PKP1: variants seen among roughly 807,000 people sequenced by gnomAD.
The protein encoded by PKP1 is plakophilin-1.
A neutral mutation model predicts 76.4 loss-of-function variants in PKP1; 27 were observed. That is an observed-to-expected ratio of 0.35 (90% CI 0.26 to 0.49). PKP1 has a LOEUF of 0.49. PKP1 is among the 20% of genes least tolerant of loss of function. The probability of loss-of-function intolerance (pLI) is 0.99; values close to 1 mark genes in which losing one functional copy is unlikely to be tolerated. For missense variants in PKP1, 964 were observed against 955.2 expected (o/e 1.01, Z -0.12); for synonymous variants, 404 against 384.2 (o/e 1.05, Z -0.60).
In PKP1 at chr1:201,323,005, A is replaced by G; in HGVS notation, c.1504-8A>G. The G allele has an allele frequency of 2.5e-6, 4 of 1,613,764 alleles. No homozygotes were observed. The highest frequency in any genetic ancestry group is 3.4e-6 in the Non-Finnish European group (4 of 1,179,836). ...CATTGACCCCCCTGACCGGCTCTTT[A>G]TCCTCAGAACAACAACTATGACTGC... On this transcript the variant is annotated splice_region_variant and splice_polypyrimidine_tract_variant and intron_variant, in intron 8 of 13. Coordinates refer to ENST00000367324, the MANE Select transcript of PKP1 (RefSeq NM_001005337.3).
At chr1:201,284,248 C>G (rs557070562) in intron 1 of PKP1, among the ~76,000 whole-genome samples, 68 of 152,250 alleles carry the variant, frequency 4.5e-4, no homozygotes, top group African/African-American at 1.6e-3. Flanking sequence ...TGGGTCTGGA[C>G]GGCTTTCTCT....
At chr1:201,289,517 C>G (rs554640008) in intron 1 of PKP1, among the ~76,000 whole-genome samples, 2 of 152,230 alleles carry the variant, frequency 1.3e-5, no homozygotes, top group Non-Finnish European at 2.9e-5. Context: ...AAGCGGATTT[C>G]CCTATGACCT....
chr1:201,321,672 C>T (rs1656945270), intron 7 of PKP1, among the ~76,000 whole-genome samples: 1 of 152,204 alleles, frequency 6.6e-6, no homozygotes, highest in Non-Finnish European at 1.5e-5. Context: ...TAAGTGCTTT[C>T]TCTGTATCAT....
chr1:201,321,778 C>T (rs769871561), intron 7 of PKP1, among the ~76,000 whole-genome samples, 200 bp from the exon 8 acceptor site: 1 of 152,104 alleles, frequency 6.6e-6, no homozygotes, highest in South Asian at 2.1e-4. Flanking sequence ...GTTCATGCAG[C>T]CAGGAAATGA....
At position 201,322,004 on chromosome 1, in the gene PKP1, G is replaced by A. The variant is rs368961324; in HGVS notation, c.1374G>A (p.Leu458=). ...CTGTGGAAAACTGCATGTGTGTTCT[G>A]CACAACCTCTCCTACCGCCTGGACG... ...DKSVENCMCV[L]HNLSYRLDAE... The change falls in exon 8 of 14, where the codon CTG becomes CTA. Residue 458 remains leucine, a synonymous_variant. Transcript: ENST00000367324. The A allele has an allele frequency of 3.1e-6, 5 of 1,613,944 alleles. No individual in the cohort carries two copies. The highest frequency in any genetic ancestry group is 1.1e-5 in the South Asian group (1 of 91,080).
At chr1:201,323,251 T>A (rs905436772) in intron 9 of PKP1, 62 bp downstream of exon 9, 6 of 1,503,994 alleles carry the variant, frequency 4.0e-6, no homozygotes, top group Non-Finnish European at 5.5e-6. Flanking sequence ...GTCCAGCCTC[T>A]GCTCCCTCCT....
chr1:201,324,453 T>C lies in PKP1; in HGVS notation c.1706T>C (p.Ile569Thr), dbSNP rs202232462. Residue 569 changes from isoleucine to threonine, a missense_variant, in exon 10 of 14, where the codon ATT (isoleucine) becomes ACT (threonine). Transcript: ENST00000367324. ...GLMSSGMSQL[I>T]GLKEKGLPQI... ...ATGTCCAGTGGCATGAGCCAGTTGA[T>C]TGGGCTGAAGGAAAAGGGCCTGCCA... 3.7e-6 allele frequency: 6 copies of C among 1,614,194 alleles called. No individual in the cohort carries two copies. In the East Asian group the frequency reaches 8.9e-5, roughly 24 times the overall value.
chr1:201,321,774 G>A (rs1656947920), intron 7 of PKP1, among the ~76,000 whole-genome samples: 2 of 152,210 alleles, frequency 1.3e-5, no homozygotes, highest in African/African-American at 4.8e-5. Context: ...TCAAGTTCAT[G>A]CAGCCAGGAA....
intron 2 of PKP1, among the ~76,000 whole-genome samples, chr1:201,306,534 C>A (rs565438495): frequency 3.3e-5 from 5 of 152,244 alleles, no homozygotes; most frequent in Non-Finnish European, 7.3e-5. Context: ...AAGTTGTCCT[C>A]AGTTATCCAT....
intron 2 of PKP1, among the ~76,000 whole-genome samples, chr1:201,309,050 G>T (rs80267509): frequency 0.032 from 4,901 of 152,154 alleles, 290 homozygotes; most frequent in African/African-American, 0.11. Flanking sequence ...ATTTGGGCAA[G>T]CTGGAGCTTT....
intron 2 of PKP1, among the ~76,000 whole-genome samples, chr1:201,302,685 C>T (rs375817243): frequency 2.0e-5 from 3 of 152,088 alleles, no homozygotes; most frequent in Non-Finnish European, 4.4e-5. Context: ...AGCTCAGGCA[C>T]GGGGAGGGGA....
At chr1:201,329,541 C>G (rs1361904) in intron 13 of PKP1, among the ~76,000 whole-genome samples, 97,654 of 152,134 alleles carry the variant, frequency 0.64, 35,385 homozygotes, top group East Asian at 0.88. Context: ...TAGAGATACT[C>G]CAGCCAGATG....
chr1:201,317,346 G>A (rs948299747), intron 4 of PKP1, among the ~76,000 whole-genome samples: 4 of 151,712 alleles, frequency 2.6e-5, no homozygotes, highest in Non-Finnish European at 4.4e-5. Flanking sequence ...CTCCCAGCTA[G>A]GATATGGGAG....
At chr1:201,318,884 A>C in intron 6 of PKP1, 89 bp downstream of exon 6, 1 of 1,079,344 alleles carries the variant, frequency 9.3e-7, no homozygotes, top group Non-Finnish European at 1.4e-6. Context: ...CAGCCGGTGC[A>C]TAGAACATAA....
At chr1:201,297,622 G>A (rs1656112031) in intron 2 of PKP1, among the ~76,000 whole-genome samples, 1 of 152,236 alleles carries the variant, frequency 6.6e-6, no homozygotes, top group Non-Finnish European at 1.5e-5. Flanking sequence ...ACCTAGTGGA[G>A]TTTGTTTTCA....
rs760110335 is a variant in PKP1 at position 201,321,981 on chromosome 1, G to A, written c.1351G>A (p.Val451Met). 4 of 1,614,036 alleles carry A rather than the reference G, an allele frequency of 2.5e-6. No homozygotes were observed. Among genetic ancestry groups the A allele is most frequent in the Non-Finnish European group, 3.4e-6 (4 of 1,180,000 alleles). Residue 451 changes from valine to methionine, a missense_variant, in exon 8 of 14, where the codon GTG (valine) becomes ATG (methionine). By Grantham distance (21) the Val-to-Met change is conservative (BLOSUM62 1). Coordinates refer to ENST00000367324, the MANE Select transcript of PKP1 (RefSeq NM_001005337.3). Reference sequence around the variant, plus strand: ...CATGCCTCTCCTTGGTCCCCAGTCTGTGGAAAACTGCATGTGTGTTCTGCA... The same window carrying A: ...CATGCCTCTCCTTGGTCCCCAGTCTATGGAAAACTGCATGTGTGTTCTGCA... The part of the protein sequence containing the change: ...VAASRCDDKS[V>M]ENCMCVLHNL...
In PKP1 at chr1:201,324,474, T is replaced by G; in HGVS notation, c.1727T>G (p.Leu576Arg). The G allele has an allele frequency of 6.2e-7, 1 of 1,614,152 alleles. No individual in the cohort carries two copies. The highest frequency in any genetic ancestry group is 8.5e-7 in the Non-Finnish European group (1 of 1,180,016). Residue 576 changes from leucine to arginine, a missense_variant, in exon 10 of 14, where the codon CTG (leucine) becomes CGG (arginine). Transcript: ENST00000367324. ...TTGATTGGGCTGAAGGAAAAGGGCC[T>G]GCCACAAATTGCCCGCCTCCTGCAA... ...SQLIGLKEKG[L>R]PQIARLLQSG... is the part of the protein sequence containing the mutation.
intron 9 of PKP1, among the ~76,000 whole-genome samples, 176 bp from the exon 10 acceptor site, chr1:201,324,252 A>G (rs2102185122): frequency 6.6e-6 from 1 of 152,224 alleles, no homozygotes; most frequent in East Asian, 1.9e-4. Flanking sequence ...AGGGCTGGGA[A>G]AGGGGAGGTG....
intron 2 of PKP1, among the ~76,000 whole-genome samples, chr1:201,305,639 C>G (rs1419994921): frequency 6.6e-6 from 1 of 152,180 alleles, no homozygotes; most frequent in Admixed American, 6.5e-5. Context: ...CAGCCTTTGG[C>G]CCTCCTCTTC....
Sources: allele counts gnomAD v4.1 joint callset (sites outside exome capture counted in the v4.1 genomes callset), GRCh38; gene constraint gnomAD v4.1.1; transcripts MANE v1.5; gene names NCBI Gene and HGNC (gene_info 2026-07-23, HGNC 2026-07-21).